IL1RAPL2: variants seen among roughly 807,000 people sequenced by gnomAD.
IL1RAPL2 encodes the protein X-linked interleukin-1 receptor accessory protein-like 2.
In IL1RAPL2, 3 loss-of-function variants were observed where a neutral mutation model predicts 44.1. That is an observed-to-expected ratio of 0.07 (90% CI 0.03 to 0.18). The LOEUF is 0.18. IL1RAPL2 is among the 10% of genes least tolerant of loss of function. IL1RAPL2 has a pLI of 1.00. For missense variants in IL1RAPL2, 391 were observed against 496.4 expected, an observed-to-expected ratio of 0.79 and a Z score of 2.02; for synonymous variants, 181 against 178.8, an observed-to-expected ratio of 1.01 and a Z score of -0.10.
At chrX:105,027,641 C>A (rs1271862333) in intron 2 of IL1RAPL2, among the ~76,000 whole-genome samples, 2 of 111,646 alleles carry the variant, frequency 1.8e-5, no homozygotes, top group Non-Finnish European at 3.8e-5. Flanking sequence ...CATCTCACCC[C>A]AGTTAGAATG....
chrX:104,923,876 A>C (rs1484665259), intron 2 of IL1RAPL2, among the ~76,000 whole-genome samples: 1 of 110,648 alleles, frequency 9.0e-6, no homozygotes, highest in African/African-American at 3.3e-5. Context: ...ATTTAAAAAA[A>C]AAAATAAGAT....
At chrX:105,219,981 C>T in intron 3 of IL1RAPL2, 1 of 1,202,591 alleles carries the variant, frequency 8.3e-7, no homozygotes, top group Non-Finnish European at 1.1e-6. Context: ...TCTCTTTCTG[C>T]ACCTCCACGA....
intron 2 of IL1RAPL2, among the ~76,000 whole-genome samples, chrX:105,114,803 G>C (rs2032837008): frequency 8.9e-6 from 1 of 111,846 alleles, no homozygotes; most frequent in South Asian, 3.8e-4. Context: ...AGGCAGGAGT[G>C]GTGAGGGATG....
At chrX:104,897,838 A>G (rs777164304) in intron 2 of IL1RAPL2, among the ~76,000 whole-genome samples, 7 of 112,103 alleles carry the variant, frequency 6.2e-5, no homozygotes, top group Non-Finnish European at 9.4e-5. Context: ...TTCTATTTAT[A>G]TGCTCTAGAG....
At chrX:105,592,787 C>A (rs1202529428) in intron 6 of IL1RAPL2, among the ~76,000 whole-genome samples, 1 of 111,926 alleles carries the variant, frequency 8.9e-6, no homozygotes, top group Non-Finnish European at 1.9e-5. Context: ...AGGGTTTGTG[C>A]TGAAAGTTCT....
intron 3 of IL1RAPL2, among the ~76,000 whole-genome samples, chrX:105,204,648 G>T (rs2033746189): frequency 8.9e-6 from 1 of 112,046 alleles, no homozygotes; most frequent in East Asian, 2.8e-4. Context: ...TAACACTGTG[G>T]TGCAATCTTC....
intron 6 of IL1RAPL2, among the ~76,000 whole-genome samples, chrX:105,704,874 C>T (rs2038152149): frequency 9.1e-6 from 1 of 109,887 alleles, no homozygotes; most frequent in Admixed American, 9.8e-5. Context: ...GAACATTTTT[C>T]CCGTTGAGCT....
At chrX:105,703,461 G>T (rs2038137383) in intron 6 of IL1RAPL2, among the ~76,000 whole-genome samples, 1 of 111,506 alleles carries the variant, frequency 9.0e-6, no homozygotes, top group African/African-American at 3.3e-5. Context: ...CCAAGAAAAA[G>T]CCCCTCAGGA....
chrX:105,483,916 G>A (rs940146896), intron 5 of IL1RAPL2, among the ~76,000 whole-genome samples: 1 of 111,483 alleles, frequency 9.0e-6, no homozygotes, highest in African/African-American at 3.3e-5. Flanking sequence ...GAAGATTCAT[G>A]TCACTAAAAA....
intron 7 of IL1RAPL2, among the ~76,000 whole-genome samples, chrX:105,734,746 T>A (rs1429822609): frequency 1.8e-5 from 2 of 111,324 alleles, no homozygotes; most frequent in Non-Finnish European, 3.8e-5. Context: ...TTTAAAATGG[T>A]CACTTTTCCC....
intron 6 of IL1RAPL2, among the ~76,000 whole-genome samples, chrX:105,678,306 TGGG>T (rs980327378): frequency 8.9e-6 from 1 of 112,318 alleles, no homozygotes; most frequent in African/African-American, 3.2e-5. Flanking sequence ...TCATCAAAAA[TGGG>T]GTATTCATCC....
chrX:105,460,131 A>G (rs142954779), intron 5 of IL1RAPL2, among the ~76,000 whole-genome samples: 1,831 of 110,820 alleles, frequency 0.017, 31 homozygotes, highest in African/African-American at 0.056. Context: ...CCCATCCCCT[A>G]ATTTAGTTCC....
chrX:105,116,105 C>T (rs2032858131), intron 2 of IL1RAPL2, among the ~76,000 whole-genome samples: 1 of 2,480 alleles, frequency 4.0e-4, no homozygotes, highest in Non-Finnish European at 6.4e-4. Flanking sequence ...CACCTCCCTG[C>T]AAGTGGAGGG....
At chrX:104,585,386 T>TTA (rs1556438594) in intron 1 of IL1RAPL2, among the ~76,000 whole-genome samples, 7 of 24,783 alleles carry the variant, frequency 2.8e-4, no homozygotes, top group South Asian at 2.7e-3. Flanking sequence ...ATAATATATA[T>TTA]TATATATAAT....
chrX:105,025,914 T>C (rs915515033), intron 2 of IL1RAPL2, among the ~76,000 whole-genome samples: 3 of 111,306 alleles, frequency 2.7e-5, no homozygotes, highest in Non-Finnish European at 3.8e-5. Flanking sequence ...CTTTCAGTTA[T>C]GAAAGAAAGG....
intron 1 of IL1RAPL2, among the ~76,000 whole-genome samples, chrX:104,572,669 A>G (rs193056368): frequency 9.1e-4 from 102 of 111,884 alleles, no homozygotes; most frequent in African/African-American, 3.2e-3. Context: ...ATCACAGCTC[A>G]CTGTAGTCTT....
At chrX:105,282,238 A>G (rs1334521479) in intron 5 of IL1RAPL2, among the ~76,000 whole-genome samples, 4 of 112,186 alleles carry the variant, frequency 3.6e-5, no homozygotes, top group Non-Finnish European at 7.5e-5. Flanking sequence ...AGTCCGGAGG[A>G]CAAGCATGTT....
At chrX:105,259,095 A>G (rs967840963) in intron 4 of IL1RAPL2, among the ~76,000 whole-genome samples, 6 of 102,159 alleles carry the variant, frequency 5.9e-5, no homozygotes, top group African/African-American at 2.2e-4. Flanking sequence ...AGTACAGTCA[A>G]TAGGTGTTTC....
At chrX:105,761,375 TAG>T (rs1212747325) in intron 10 of IL1RAPL2, among the ~76,000 whole-genome samples, 1 of 110,075 alleles carries the variant, frequency 9.1e-6, no homozygotes, top group Non-Finnish European at 1.9e-5. Flanking sequence ...TCAGCCAAGA[TAG>T]AGTCAATGTG....
Sources: allele counts gnomAD v4.1 joint callset (sites outside exome capture counted in the v4.1 genomes callset), GRCh38; gene constraint gnomAD v4.1.1; transcripts MANE v1.5; gene names NCBI Gene and HGNC (gene_info 2026-07-23, HGNC 2026-07-21).